Variants in NAE1 observed in about 807,000 individuals in gnomAD.
The protein encoded by NAE1 is NEDD8-activating enzyme E1 regulatory subunit.
NAE1 carries 59 observed loss-of-function variants against 88.0 expected under a neutral mutation model. That is an observed-to-expected ratio of 0.67 (90% CI 0.54 to 0.83). The LOEUF (loss-of-function observed/expected upper bound fraction) is 0.83, where lower values mean the gene tolerates loss of function less well. NAE1 is among the 40% of genes least tolerant of loss of function. The pLI is 0.00. For synonymous variants in NAE1, 186 were observed against 208.9 expected, an observed-to-expected ratio of 0.89 and a Z score of 0.95; for missense variants, 554 against 632.8, an observed-to-expected ratio of 0.88 and a Z score of 1.34.
intron 7 of NAE1, among the ~76,000 whole-genome samples, chr16:66,819,689 A>G (rs763534760): frequency 1.3e-5 from 2 of 152,186 alleles, no homozygotes; most frequent in Admixed American, 6.5e-5. Context: ...TTTCCTTTGA[A>G]TATTATGTCA....
chr16:66,806,193 CA>C, intron 17 of NAE1, 167 bp from the exon 18 acceptor site: 2 of 701,894 alleles, frequency 2.8e-6, no homozygotes, highest in Non-Finnish European at 4.2e-6. Flanking sequence ...AACCTATAAT[CA>C]GAGACCAACT....
At chr16:66,803,816 C>T (rs919994933) in intron 19 of NAE1, among the ~76,000 whole-genome samples, 3 of 152,028 alleles carry the variant, frequency 2.0e-5, no homozygotes, top group East Asian at 3.9e-4. Context: ...TGGTTTTGAA[C>T]TCCTGACCTC....
At chr16:66,827,048 C>T (rs1236145403) in intron 1 of NAE1, among the ~76,000 whole-genome samples, 1 of 152,128 alleles carries the variant, frequency 6.6e-6, no homozygotes, top group Non-Finnish European at 1.5e-5. Flanking sequence ...GGCACAAGAG[C>T]GACACTCTGT....
At chr16:66,830,720 C>T (rs1463997863) in intron 1 of NAE1, 127 bp downstream of exon 1, 7 of 893,608 alleles carry the variant, frequency 7.8e-6, no homozygotes, top group African/African-American at 1.8e-5. Context: ...TCCCGCGCCC[C>T]GCACGGCCCG....
At chr16:66,827,787 T>C in intron 1 of NAE1, 1 of 575,916 alleles carries the variant, frequency 1.7e-6, no homozygotes, top group Non-Finnish European at 3.1e-6. Context: ...TTACCTGATT[T>C]AAAGCAGATT....
chr16:66,822,412 A>C (rs1960300596), intron 6 of NAE1, among the ~76,000 whole-genome samples: 1 of 151,902 alleles, frequency 6.6e-6, no homozygotes, highest in Non-Finnish European at 1.5e-5. Context: ...CTCTACTACA[A>C]ATACAAAAAT....
chr16:66,814,790 T>G (rs1236828100), intron 11 of NAE1, among the ~76,000 whole-genome samples: 1 of 152,186 alleles, frequency 6.6e-6, no homozygotes, highest in Non-Finnish European at 1.5e-5. Context: ...TCCACTTCCC[T>G]GACTGAAATG....
At chr16:66,823,735 T>C in intron 4 of NAE1, 135 bp from the exon 5 acceptor site, 2 of 690,616 alleles carry the variant, frequency 2.9e-6, no homozygotes, top group Non-Finnish European at 4.7e-6. Context: ...CTGTTTCCCT[T>C]CTTTTTTCTT....
intron 15 of NAE1, 88 bp downstream of exon 15, chr16:66,810,286 A>G: frequency 8.7e-7 from 1 of 1,154,312 alleles, no homozygotes; most frequent in East Asian, 2.3e-5. Flanking sequence ...GGAAAACTTA[A>G]AATTTCAACC....
chr16:66,826,370 G>A (rs993146180), intron 3 of NAE1, 153 bp downstream of exon 3: 1 of 669,070 alleles, frequency 1.5e-6, no homozygotes. Context: ...TGCTGTACTA[G>A]CACTTTACCT....
chr16:66,823,838 C>T (rs1960360357), intron 4 of NAE1, among the ~76,000 whole-genome samples: 1 of 152,184 alleles, frequency 6.6e-6, no homozygotes, highest in Non-Finnish European at 1.5e-5. Context: ...CTTAAGCAAT[C>T]TTCCTGCCTC....
Position 66,823,245 on chromosome 16 carries a change from G to A in NAE1, c.383C>T (p.Ala128Val). 1 of 1,594,294 alleles carries A rather than the reference G, an allele frequency of 6.3e-7. No individual in the cohort carries two copies. Among genetic ancestry groups the A allele is most frequent in the Non-Finnish European group, 8.5e-7 (1 of 1,172,112 alleles). ...AATTTACCTTTCAGGAAGCTGAGTT[G>A]CAACTACAACAGTAAACCTACAGAA... ...SFFCRFTVVV[A>V]TQLPESTSLR... The change falls in exon 6 of 20, where the codon GCA becomes GTA. Residue 128 changes from alanine to valine, a missense_variant. Transcript: ENST00000290810.
chr16:66,820,052 T>C (rs949514841), intron 7 of NAE1, among the ~76,000 whole-genome samples: 1 of 152,182 alleles, frequency 6.6e-6, no homozygotes, highest in Non-Finnish European at 1.5e-5. Context: ...AACTCTTTTG[T>C]TCCCTCCCAT....
chr16:66,816,800 G>A, intron 10 of NAE1, 128 bp from the exon 11 acceptor site: 2 of 1,277,672 alleles, frequency 1.6e-6, no homozygotes, highest in Non-Finnish European at 2.2e-6. Context: ...CTTATCATTA[G>A]TCCTTAAAAC....
intron 6 of NAE1, 151 bp downstream of exon 6, chr16:66,823,076 C>CAAAAAAAA (rs776599321): frequency 6.9e-6 from 1 of 145,362 alleles, no homozygotes; most frequent in Non-Finnish European, 1.2e-5. Flanking sequence ...AGCTCAAGCT[C>CAAAAAAAA]AAAAAAAAAA....
intron 8 of NAE1, 52 bp from the exon 9 acceptor site, chr16:66,817,539 T>C: frequency 8.1e-7 from 1 of 1,239,258 alleles, no homozygotes. Context: ...AATTCTTCAC[T>C]GTACCATCTC....
intron 16 of NAE1, 173 bp downstream of exon 16, chr16:66,808,814 TAA>T (rs1369851210): frequency 6.6e-6 from 4 of 603,492 alleles, no homozygotes; most frequent in East Asian, 6.1e-5. Context: ...ATGCATACAT[TAA>T]GTTTCATATA....
At chr16:66,809,569 TA>T (rs1459378389) in intron 15 of NAE1, among the ~76,000 whole-genome samples, 2 of 152,128 alleles carry the variant, frequency 1.3e-5, no homozygotes, top group African/African-American at 2.4e-5. Context: ...AACAGAATAA[TA>T]AATGTTCAAA....
chr16:66,803,257 G>A (rs1959427021), intron 19 of NAE1, 139 bp from the exon 20 acceptor site: 4 of 612,306 alleles, frequency 6.5e-6, no homozygotes, highest in East Asian at 2.8e-5. Context: ...TTAGCTTACT[G>A]AGTCATATCA....
Sources: allele counts gnomAD v4.1 joint callset (sites outside exome capture counted in the v4.1 genomes callset), GRCh38; gene constraint gnomAD v4.1.1; transcripts MANE v1.5; gene names NCBI Gene and HGNC (gene_info 2026-07-23, HGNC 2026-07-21).